EEFSEC: variants seen among roughly 807,000 people sequenced by gnomAD.
The protein encoded by EEFSEC is eukaryotic elongation factor, selenocysteine-tRNA specific, also known as selenocysteine-specific elongation factor.
In EEFSEC, 43 loss-of-function variants were observed where a neutral mutation model predicts 42.1. The ratio of observed to expected loss-of-function variants is 1.02; its 90% confidence interval spans 0.80 to 1.32. The LOEUF is 1.32. Ranked by LOEUF, EEFSEC falls within the 40% of genes most tolerant of loss-of-function variation. The pLI is 0.00. For missense variants in EEFSEC, 745 were observed against 803.6 expected (o/e 0.93, Z 0.88); for synonymous variants, 354 against 339.1 (o/e 1.04, Z -0.48).
intron 1 of EEFSEC, among the ~76,000 whole-genome samples, chr3:128,230,427 T>C (rs999579232): frequency 5.3e-5 from 8 of 152,258 alleles, no homozygotes; most frequent in Admixed American, 2.6e-4. Flanking sequence ...ATTGCTGAGA[T>C]TACAGGTGTG....
At position 128,341,560 on chromosome 3, in the gene EEFSEC, G is replaced by T; in HGVS notation, c.1114G>T (p.Glu372Ter). The T allele has an allele frequency of 6.2e-7, 1 of 1,614,076 alleles. No individual in the cohort carries two copies. The highest frequency in any genetic ancestry group is 8.5e-7 in the Non-Finnish European group (1 of 1,180,048). The part of the protein sequence containing the change: ...PILDSFNFSQ[E>*]YLFQEQYLSK... ...ACTGGACTCTTTCAACTTCTCTCAAGAATACCTTTTCCAGGAGCAGTACCT... is the reference window on the plus strand; with the variant it reads ...ACTGGACTCTTTCAACTTCTCTCAATAATACCTTTTCCAGGAGCAGTACCT... The change falls in exon 5 of 7, where the codon GAA (glutamate) becomes TAA (stop). Residue 372 changes from glutamate (E) to a stop codon, truncating the protein, a stop_gained. Transcript: ENST00000254730. LOFTEE classifies it high-confidence loss of function.
chr3:128,167,819 C>T (rs1232197838), intron 1 of EEFSEC, among the ~76,000 whole-genome samples: 1 of 152,192 alleles, frequency 6.6e-6, no homozygotes, highest in African/African-American at 2.4e-5. Context: ...CGTATATTTT[C>T]CTTTCTCCAT....
chr3:128,371,252 G>T (rs955374135), intron 6 of EEFSEC, among the ~76,000 whole-genome samples: 1 of 152,228 alleles, frequency 6.6e-6, no homozygotes, highest in African/African-American at 2.4e-5. Flanking sequence ...GGGGAGGAGG[G>T]GAGGAGGAGC....
At chr3:128,303,875 T>C (rs2108008228) in intron 4 of EEFSEC, among the ~76,000 whole-genome samples, 1 of 152,332 alleles carries the variant, frequency 6.6e-6, no homozygotes, top group East Asian at 1.9e-4. Context: ...GCACAGTATC[T>C]AACTTTATTT....
At chr3:128,404,601 T>C (rs1161507378) in intron 6 of EEFSEC, among the ~76,000 whole-genome samples, 2 of 152,186 alleles carry the variant, frequency 1.3e-5, no homozygotes, top group African/African-American at 4.8e-5. Flanking sequence ...AGGCTCTGAT[T>C]CAGGGAGTCA....
chr3:128,291,160 C>CTA (rs1318774695), intron 4 of EEFSEC, among the ~76,000 whole-genome samples: 1 of 151,742 alleles, frequency 6.6e-6, no homozygotes, highest in Non-Finnish European at 1.5e-5. Context: ...GTCATCCAGG[C>CTA]TATATATTTT....
intron 1 of EEFSEC, among the ~76,000 whole-genome samples, chr3:128,193,179 T>C (rs528559477): frequency 1.3e-4 from 20 of 152,336 alleles, no homozygotes; most frequent in African/African-American, 4.6e-4. Flanking sequence ...GCTGTCCTTA[T>C]GTATCACTGA....
At chr3:128,333,308 A>G (rs1306914903) in intron 4 of EEFSEC, among the ~76,000 whole-genome samples, 1 of 152,198 alleles carries the variant, frequency 6.6e-6, no homozygotes, top group African/African-American at 2.4e-5. Flanking sequence ...GGACCCCCCA[A>G]CACTGCTGTT....
At position 128,169,081 on chromosome 3, in the gene EEFSEC, T is replaced by C. The variant is rs1030534906; in HGVS notation, c.316+15258T>C. On this transcript the variant is annotated intron_variant, in intron 1 of 6. Coordinates refer to ENST00000254730, the MANE Select transcript of EEFSEC (RefSeq NM_021937.5). ...GGGAGGCAGATGGTACAGAAGTAAA[T>C]AAAACATGCGGAATTATAAATTATG... 2.0e-5 allele frequency among the ~76,000 whole-genome samples: 3 copies of C among 152,098 alleles called. No individual in the cohort carries two copies. The East Asian group carries it at 5.8e-4, about 29-fold the overall frequency.
At chr3:128,242,854 A>AT (rs2066086242) in intron 1 of EEFSEC, among the ~76,000 whole-genome samples, 1 of 152,104 alleles carries the variant, frequency 6.6e-6, no homozygotes, top group Middle Eastern at 3.2e-3. Flanking sequence ...ATAAGCCTTG[A>AT]TTTTTTTGTC....
intron 1 of EEFSEC, among the ~76,000 whole-genome samples, chr3:128,191,751 C>T (rs999589346): frequency 1.5e-4 from 23 of 152,150 alleles, no homozygotes; most frequent in Non-Finnish European, 1.3e-4. Context: ...GCATAATGTC[C>T]TCAAGGTTCA....
chr3:128,180,749 C>T (rs187948118), intron 1 of EEFSEC, among the ~76,000 whole-genome samples: 27 of 152,256 alleles, frequency 1.8e-4, no homozygotes, highest in African/African-American at 3.6e-4. Flanking sequence ...GCAGAACCTG[C>T]GAGCTAGTGT....
At chr3:128,357,847 C>G (rs755424567) in intron 5 of EEFSEC, among the ~76,000 whole-genome samples, 8 of 151,916 alleles carry the variant, frequency 5.3e-5, no homozygotes, top group Non-Finnish European at 8.8e-5. Flanking sequence ...AAAGCTACTT[C>G]TATCCCCTGT....
intron 1 of EEFSEC, among the ~76,000 whole-genome samples, chr3:128,208,460 C>CT (rs1428867192): frequency 2.6e-5 from 4 of 152,186 alleles, no homozygotes; most frequent in African/African-American, 9.7e-5. Flanking sequence ...TAGACAAACT[C>CT]TATCTAGTGA....
At chr3:128,414,766 A>T in the EEFSEC span, among the ~76,000 whole-genome samples, 3 of 152,184 alleles carry the variant, frequency 2.0e-5, no homozygotes, top group African/African-American at 7.2e-5. Context: ...GGTTTGGGGA[A>T]GACATGTCTG....
chr3:128,332,283 G>A (rs1012396709), intron 4 of EEFSEC, among the ~76,000 whole-genome samples: 18 of 152,150 alleles, frequency 1.2e-4, no homozygotes, highest in African/African-American at 4.1e-4. Flanking sequence ...CAAACATGGT[G>A]CCACTGTTTA....
chr3:128,409,572 G>T (rs570273886), downstream of EEFSEC, among the ~76,000 whole-genome samples: 6 of 152,370 alleles, frequency 3.9e-5, no homozygotes, highest in Admixed American at 1.3e-4. Context: ...CCATGGGGAA[G>T]TGGGGTTCCC....
chr3:128,389,931 C>T (rs563503789), intron 6 of EEFSEC, among the ~76,000 whole-genome samples: 9 of 152,132 alleles, frequency 5.9e-5, no homozygotes, highest in Non-Finnish European at 1.3e-4. Context: ...GCTGGGAGTC[C>T]GGTTGCAGGG....
intron 1 of EEFSEC, among the ~76,000 whole-genome samples, chr3:128,236,513 T>A (rs1344430025): frequency 6.6e-6 from 1 of 152,254 alleles, no homozygotes; most frequent in East Asian, 1.9e-4. Flanking sequence ...CTTTGTATTA[T>A]CATCAGTATT....
Sources: allele counts gnomAD v4.1 joint callset (sites outside exome capture counted in the v4.1 genomes callset), GRCh38; gene constraint gnomAD v4.1.1; transcripts MANE v1.5; gene names NCBI Gene and HGNC (gene_info 2026-07-23, HGNC 2026-07-21).